CACNA2D3: variants seen among roughly 807,000 people sequenced by gnomAD.
The protein encoded by CACNA2D3 is voltage-dependent calcium channel subunit alpha-2/delta-3.
Under a neutral mutation model 160.6 loss-of-function variants are expected in CACNA2D3, and 60 were observed. That is an observed-to-expected ratio of 0.37 (90% confidence interval 0.30 to 0.46). The LOEUF is 0.46. Ranked by LOEUF, CACNA2D3 falls within the 20% of genes least tolerant of loss-of-function variation. The pLI, the probability that CACNA2D3 is intolerant of heterozygous loss-of-function variation, is 1.00. For missense variants in CACNA2D3, 1,205 were observed against 1,365.0 expected (o/e 0.88, Z 1.85); for synonymous variants, 558 against 492.9 (o/e 1.13, Z -1.75).
intron 16 of CACNA2D3, among the ~76,000 whole-genome samples, chr3:54,840,719 A>ATTTTTTT (rs35529003): frequency 2.3e-5 from 2 of 85,740 alleles, no homozygotes; most frequent in African/African-American, 4.7e-5. Flanking sequence ...AAGAGCCATG[A>ATTTTTTT]TTTTTTTTTT....
chr3:54,291,423 T>G (rs1703201462), intron 2 of CACNA2D3, among the ~76,000 whole-genome samples: 1 of 152,198 alleles, frequency 6.6e-6, no homozygotes, highest in African/African-American at 2.4e-5. Context: ...GCATCATCTT[T>G]TTACCTGTTC....
intron 13 of CACNA2D3, among the ~76,000 whole-genome samples, chr3:54,800,335 C>T (rs1702956651): frequency 6.6e-6 from 1 of 152,152 alleles, no homozygotes; most frequent in Admixed American, 6.5e-5. Context: ...CTGGACTTTG[C>T]CAAATTTCCA....
intron 2 of CACNA2D3, among the ~76,000 whole-genome samples, chr3:54,142,191 G>C (rs57667949): frequency 6.6e-6 from 1 of 152,140 alleles, no homozygotes; most frequent in Admixed American, 6.5e-5. Flanking sequence ...CTGGTCCAGC[G>C]TCACCCTCAC....
intron 31 of CACNA2D3, among the ~76,000 whole-genome samples, chr3:55,001,983 C>T (rs375670272): frequency 6.6e-6 from 1 of 152,006 alleles, no homozygotes; most frequent in East Asian, 1.9e-4. Context: ...ATAGTGAAAC[C>T]CCATCTCTAC....
chr3:54,537,478 A>G (rs1170234914), intron 5 of CACNA2D3, among the ~76,000 whole-genome samples: 1 of 152,040 alleles, frequency 6.6e-6, no homozygotes, highest in Admixed American at 6.6e-5. Context: ...AACACTTACT[A>G]TGGGTCATGC....
chr3:54,476,044 T>TG (rs1700824765), intron 4 of CACNA2D3, among the ~76,000 whole-genome samples: 1 of 63,238 alleles, frequency 1.6e-5, no homozygotes, highest in Admixed American at 2.9e-4. Context: ...ACTGTAAGTT[T>TG]GATTTTTTTT....
chr3:54,759,461 T>C (rs1309833704), intron 12 of CACNA2D3, among the ~76,000 whole-genome samples: 1 of 144,574 alleles, frequency 6.9e-6, no homozygotes, highest in African/African-American at 2.6e-5. Context: ...CTAAAACTTA[T>C]ACTAAGACAT....
At chr3:54,968,674 T>C (rs1482278992) in intron 28 of CACNA2D3, among the ~76,000 whole-genome samples, 163 bp downstream of exon 28, 1 of 152,222 alleles carries the variant, frequency 6.6e-6, no homozygotes, top group Non-Finnish European at 1.5e-5. Flanking sequence ...AATAAAGGGC[T>C]GTCAGCATGT....
chr3:55,045,828 A>T (rs1704067017), intron 35 of CACNA2D3, among the ~76,000 whole-genome samples: 1 of 151,958 alleles, frequency 6.6e-6, no homozygotes. Context: ...TATTAGTTTT[A>T]TTGATCATTT....
intron 11 of CACNA2D3, among the ~76,000 whole-genome samples, chr3:54,697,005 T>C (rs1700677823): frequency 1.3e-5 from 2 of 152,214 alleles, no homozygotes; most frequent in Admixed American, 1.3e-4. Flanking sequence ...GGCCAGACGC[T>C]GTGACTCACG....
chr3:54,536,332 T>C (rs1445848212), intron 5 of CACNA2D3, among the ~76,000 whole-genome samples: 2 of 152,224 alleles, frequency 1.3e-5, no homozygotes, highest in Non-Finnish European at 2.9e-5. Flanking sequence ...TCCTGCACTT[T>C]TTGGATTTTA....
At chr3:54,829,273 AC>A (rs1703816304) in intron 14 of CACNA2D3, among the ~76,000 whole-genome samples, 2 of 152,078 alleles carry the variant, frequency 1.3e-5, no homozygotes, top group Non-Finnish European at 2.9e-5. Flanking sequence ...TCCAGAGAAA[AC>A]ATCCTCCTGA....
intron 13 of CACNA2D3, among the ~76,000 whole-genome samples, chr3:54,793,404 C>A (rs887862738): frequency 3.3e-5 from 5 of 152,208 alleles, no homozygotes; most frequent in Admixed American, 2.6e-4. Flanking sequence ...GCCCAGAATT[C>A]GTGGCTGTTT....
chr3:54,913,511 C>T (rs1700599989), intron 27 of CACNA2D3, among the ~76,000 whole-genome samples: 1 of 152,186 alleles, frequency 6.6e-6, no homozygotes, highest in Non-Finnish European at 1.5e-5. Flanking sequence ...TTCTTCCCCT[C>T]TCATTTGGAG....
intron 5 of CACNA2D3, among the ~76,000 whole-genome samples, chr3:54,542,285 C>A (rs1005215162): frequency 6.6e-6 from 1 of 152,082 alleles, no homozygotes; most frequent in Non-Finnish European, 1.5e-5. Flanking sequence ...TGGTCTCAAT[C>A]TTCTGACCTT....
chr3:54,358,356 T>C (rs1698684125), intron 3 of CACNA2D3, among the ~76,000 whole-genome samples: 1 of 152,242 alleles, frequency 6.6e-6, no homozygotes, highest in Non-Finnish European at 1.5e-5. Context: ...AAGAAGAATA[T>C]ACAATTTTGT....
At chr3:54,460,332 G>A (rs576263415) in intron 4 of CACNA2D3, among the ~76,000 whole-genome samples, 20 of 152,308 alleles carry the variant, frequency 1.3e-4, no homozygotes, top group African/African-American at 4.6e-4. Context: ...GTAGCTTGAA[G>A]GGGATGGCAT....
intron 8 of CACNA2D3, among the ~76,000 whole-genome samples, chr3:54,577,202 A>G (rs1702599269): frequency 6.6e-6 from 1 of 152,198 alleles, no homozygotes; most frequent in Non-Finnish European, 1.5e-5. Context: ...TCCCCAGCAC[A>G]CAGTAGGTGC....
chr3:54,497,143 A>C (rs897027625), intron 4 of CACNA2D3, among the ~76,000 whole-genome samples: 3 of 152,080 alleles, frequency 2.0e-5, no homozygotes, highest in Non-Finnish European at 2.9e-5. Flanking sequence ...ATTTATATTA[A>C]AAATGCTTAT....
Sources: gnomAD v4.1 joint callset for allele counts (sites outside exome capture counted in the v4.1 genomes callset) on GRCh38, gnomAD v4.1.1 for gene constraint, MANE v1.5 for transcripts, NCBI Gene and HGNC (gene_info 2026-07-23, HGNC 2026-07-21) for gene names.